STAG1: variants seen among roughly 807,000 people sequenced by gnomAD.
STAG1 encodes the protein cohesin subunit SA-1.
Under a neutral mutation model 170.9 loss-of-function variants are expected in STAG1, and 26 were observed. That is an observed-to-expected ratio of 0.15 (90% CI 0.11 to 0.21). The LOEUF (loss-of-function observed/expected upper bound fraction) is 0.21. Ranked by LOEUF, STAG1 falls within the 10% of genes least tolerant of loss-of-function variation. STAG1 has a pLI of 1.00. For synonymous variants in STAG1, 514 were observed against 497.7 expected (o/e 1.03, Z -0.44); for missense variants, 964 against 1,509.5 (o/e 0.64, Z 5.99).
chr3:136,744,673 C>CTTTTTT lies in STAG1; in HGVS notation c.-84+7516_-84+7521dup, dbSNP rs34241550. On this transcript the variant is annotated intron_variant, in intron 1 of 33. Coordinates refer to ENST00000383202, the MANE Select transcript of STAG1 (RefSeq NM_005862.3). Reference sequence around the variant, plus strand: ...CATTTCTTAGGTAAACTGCAACCATCTTTTTTTTTTTTTTTTTTTTGAGAC... The same window carrying CTTTTTT: ...CATTTCTTAGGTAAACTGCAACCATCTTTTTTTTTTTTTTTTTTTTTTTTTTGAGAC... 3.4e-5 allele frequency among the ~76,000 whole-genome samples: 4 copies of CTTTTTT among 117,476 alleles called. 1 individual carries two copies. Among genetic ancestry groups the CTTTTTT allele is most frequent in the African/African-American group, 3.2e-5 (1 of 30,824 alleles). The allele number at this position is 117,476 out of a possible 152,430, so 77.1% of individuals were successfully genotyped here. A position where few individuals can be genotyped will look rare whatever the true frequency, so the allele number is the denominator to read the frequency against.
intron 1 of STAG1, among the ~76,000 whole-genome samples, chr3:136,701,520 A>G (rs1352576852): frequency 1.3e-5 from 2 of 152,174 alleles, no homozygotes; most frequent in Non-Finnish European, 2.9e-5. Context: ...AAAGCAGCTC[A>G]GTAAAATAAA....
intron 1 of STAG1, among the ~76,000 whole-genome samples, chr3:136,695,173 T>A (rs1483177924): frequency 6.6e-6 from 1 of 152,182 alleles, no homozygotes; most frequent in African/African-American, 2.4e-5. Flanking sequence ...GCCACTGTAA[T>A]CTCAAATTAT....
intron 7 of STAG1, among the ~76,000 whole-genome samples, chr3:136,519,846 G>C (rs775505357): frequency 3.9e-5 from 6 of 151,966 alleles, no homozygotes; most frequent in Admixed American, 6.6e-5. Context: ...AACTGTGTCT[G>C]ATGTATGTTC....
intron 4 of STAG1, among the ~76,000 whole-genome samples, chr3:136,595,626 G>A (rs1443972870): frequency 1.3e-5 from 2 of 151,360 alleles, no homozygotes; most frequent in Admixed American, 6.6e-5. Context: ...GTAGTGAGCC[G>A]AGACCGCACC....
intron 9 of STAG1, among the ~76,000 whole-genome samples, chr3:136,479,237 C>G (rs1295430151): frequency 8.4e-6 from 1 of 118,900 alleles, no homozygotes; most frequent in African/African-American, 3.0e-5. Context: ...CTCCCCTGAC[C>G]CCACCACCGT....
intron 1 of STAG1, among the ~76,000 whole-genome samples, chr3:136,650,921 T>TA (rs11353921): frequency 1.5e-3 from 221 of 143,864 alleles, no homozygotes; most frequent in East Asian, 0.012. Context: ...GTGGTAGAAT[T>TA]AAAAAAAAAA....
chr3:136,747,725 A>G (rs941401058), intron 1 of STAG1, among the ~76,000 whole-genome samples: 1 of 152,200 alleles, frequency 6.6e-6, no homozygotes, highest in Non-Finnish European at 1.5e-5. Flanking sequence ...ATTCAATATC[A>G]TATCAAAAAC....
chr3:136,594,856 G>C (rs997997656), intron 4 of STAG1, among the ~76,000 whole-genome samples: 26 of 152,050 alleles, frequency 1.7e-4, no homozygotes, highest in African/African-American at 5.8e-4. Flanking sequence ...CTGCAGCCTT[G>C]ACTTCCCGGG....
At chr3:136,587,881 G>C (rs1342385056) in intron 4 of STAG1, among the ~76,000 whole-genome samples, 1 of 152,114 alleles carries the variant, frequency 6.6e-6, no homozygotes, top group Non-Finnish European at 1.5e-5. Context: ...AGAATAGCTT[G>C]AACCCGGGGG....
intron 15 of STAG1, among the ~76,000 whole-genome samples, chr3:136,441,516 C>T (rs2107759757): frequency 6.6e-6 from 1 of 152,280 alleles, no homozygotes; most frequent in South Asian, 2.1e-4. Context: ...TTAGAAGAGG[C>T]ATTTTGGGCC....
chr3:136,657,649 C>T (rs200041466), intron 1 of STAG1, among the ~76,000 whole-genome samples: 2 of 152,290 alleles, frequency 1.3e-5, no homozygotes, highest in East Asian at 3.9e-4. Flanking sequence ...TGGCAATACC[C>T]TGTCTCTACT....
chr3:136,514,814 A>G (rs1233786876), intron 7 of STAG1, among the ~76,000 whole-genome samples: 3 of 152,160 alleles, frequency 2.0e-5, no homozygotes, highest in East Asian at 3.8e-4. Flanking sequence ...TCACAAGGAC[A>G]GAAAACCAAA....
chr3:136,432,590 C>T (rs1370577718), intron 16 of STAG1, among the ~76,000 whole-genome samples: 1 of 151,640 alleles, frequency 6.6e-6, no homozygotes, highest in Admixed American at 6.6e-5. Flanking sequence ...TCCCTGCAAC[C>T]TCTGCCTCTG....
At chr3:136,596,203 T>C (rs1262005089) in intron 4 of STAG1, among the ~76,000 whole-genome samples, 1 of 152,246 alleles carries the variant, frequency 6.6e-6, no homozygotes, top group East Asian at 1.9e-4. Context: ...CAGCATTGCA[T>C]GCTACAGAGA....
intron 3 of STAG1, among the ~76,000 whole-genome samples, chr3:136,620,359 T>C (rs1038530164): frequency 8.5e-5 from 13 of 152,228 alleles, no homozygotes; most frequent in African/African-American, 3.1e-4. Flanking sequence ...AATAGGTACC[T>C]GAGGCAGGAC....
At chr3:136,558,683 GAA>G (rs956338971) in intron 5 of STAG1, among the ~76,000 whole-genome samples, 1 of 152,206 alleles carries the variant, frequency 6.6e-6, no homozygotes, top group African/African-American at 2.4e-5. Context: ...ACTAAAGCAT[GAA>G]AAGTTACAAC....
At chr3:136,349,911 T>G (rs2108268675) in intron 28 of STAG1, among the ~76,000 whole-genome samples, 1 of 152,266 alleles carries the variant, frequency 6.6e-6, no homozygotes, top group South Asian at 2.1e-4. Context: ...TCCCAGCACT[T>G]TGGGAGGCCG....
intron 14 of STAG1, among the ~76,000 whole-genome samples, chr3:136,450,416 T>C (rs958337579): frequency 2.6e-5 from 4 of 152,230 alleles, no homozygotes; most frequent in Non-Finnish European, 5.9e-5. Context: ...CTAGCTAGTT[T>C]TGTTTCTGAC....
intron 6 of STAG1, among the ~76,000 whole-genome samples, chr3:136,527,176 C>A (rs981224831): frequency 1.3e-5 from 2 of 152,140 alleles, no homozygotes; most frequent in Non-Finnish European, 2.9e-5. Flanking sequence ...TGGATAATAT[C>A]CTGCAGAGTG....
Sources: gnomAD v4.1 joint callset for allele counts (sites outside exome capture counted in the v4.1 genomes callset) on GRCh38, gnomAD v4.1.1 for gene constraint, MANE v1.5 for transcripts, NCBI Gene and HGNC (gene_info 2026-07-23, HGNC 2026-07-21) for gene names.